Variants in DNAH9 observed in about 807,000 individuals in gnomAD.
The protein encoded by DNAH9 is dynein axonemal heavy chain 9.
In DNAH9, 345 loss-of-function variants were observed where a neutral mutation model predicts 471.6. The ratio of observed to expected loss-of-function variants is 0.73; its 90% CI spans 0.67 to 0.80. The LOEUF is 0.80. DNAH9 is among the 30% of genes least tolerant of loss of function. The pLI, the probability that DNAH9 is intolerant of heterozygous loss-of-function variation, is 0.00. For missense variants in DNAH9, 5,407 were observed against 5,609.2 expected (o/e 0.96, Z 1.15); for synonymous variants, 2,093 against 2,123.6 (o/e 0.99, Z 0.40).
At chr17:11,943,164 G>A (rs1422761432) in intron 67 of DNAH9, among the ~76,000 whole-genome samples, 1 of 151,766 alleles carries the variant, frequency 6.6e-6, no homozygotes, top group African/African-American at 2.4e-5. Flanking sequence ...AAAGTGCTGG[G>A]ATTATAGGTG....
In DNAH9 at chr17:11,889,571, C is replaced by T. The variant is rs79515498; in HGVS notation, c.11113-2206C>T. On this transcript the variant is annotated intron_variant, in intron 57 of 68. Transcript: ENST00000262442. Reference sequence around the variant, plus strand: ...GTATTAAACACCTGGCCCCTGAAGGCATTGAGTTTGATACCCTTGGTCTAG... The same window carrying T: ...GTATTAAACACCTGGCCCCTGAAGGTATTGAGTTTGATACCCTTGGTCTAG... Among the ~76,000 whole-genome samples, 802 of 152,340 alleles carry T rather than the reference C, an allele frequency of 5.3e-3. 11 individuals carry two copies. The highest frequency in any genetic ancestry group is 0.018 in the African/African-American group (763 of 41,574).
chr17:11,674,746 A>G (rs1168922357), intron 17 of DNAH9, among the ~76,000 whole-genome samples: 1 of 111,170 alleles, frequency 9.0e-6, no homozygotes, highest in Non-Finnish European at 2.2e-5. Flanking sequence ...GTCTTGTTAA[A>G]TAAATCCATT....
intron 41 of DNAH9, among the ~76,000 whole-genome samples, chr17:11,791,253 G>A (rs949013864): frequency 1.3e-5 from 2 of 152,010 alleles, no homozygotes; most frequent in Non-Finnish European, 1.5e-5. Flanking sequence ...CACTTTGAAG[G>A]CTTCTTTTAT....
rs5819329 is a variant in DNAH9, at chr17:11,624,508, C to CAA, written c.1350+4736_1350+4737dup. ...TGGGTGACAGAGCAAGACTCCATCT[C>CAA]AAAAAAAAAAGAAAAGAAAAGAACT... On this transcript the variant is annotated intron_variant, in intron 6 of 68. Coordinates refer to ENST00000262442, the MANE Select transcript of DNAH9 (RefSeq NM_001372.4). 3.0e-3 allele frequency among the ~76,000 whole-genome samples: 448 copies of CAA among 147,466 alleles called. 1 individual carries two copies. Among genetic ancestry groups the CAA allele is most frequent in the African/African-American group, 3.4e-3 (135 of 39,926 alleles).
rs754680221 is a variant in DNAH9 at position 11,608,312 on chromosome 17, A to G, written c.601A>G (p.Lys201Glu). 10 of 1,608,284 alleles carry G rather than the reference A, an allele frequency of 6.2e-6. No homozygotes were observed. Among genetic ancestry groups the G allele is most frequent in the Admixed American group, 1.7e-5 (1 of 59,950 alleles). Residue 201 changes from lysine (K) to glutamate (E), a missense_variant, in exon 2 of 69, where the codon AAA becomes GAA. Lys to Glu is a moderately conservative substitution (Grantham distance 56). Coordinates refer to ENST00000262442, the MANE Select transcript of DNAH9 (RefSeq NM_001372.4). ...AGAAAAAATGGAGTTTGCGGATTCC[A>G]AAAGTGAGACAGTGTAAGTACCGCC... ...GSEKMEFADSKSETVLDSIDK... is the reference protein window; with the variant it reads ...GSEKMEFADSESETVLDSIDK...
chr17:11,640,723 A>G (rs936513416), intron 10 of DNAH9, among the ~76,000 whole-genome samples: 1 of 152,142 alleles, frequency 6.6e-6, no homozygotes, highest in African/African-American at 2.4e-5. Flanking sequence ...TGCTGAGGCC[A>G]CTGGAAAGTA....
rs763982611 is a variant in DNAH9 at position 11,689,917 on chromosome 17, C to T, written c.4095C>T (p.Asn1365=). The change falls in exon 20 of 69, where the codon AAC becomes AAT. Residue 1365 remains asparagine (N), a synonymous_variant. Transcript: ENST00000262442. ...AFTGLESTVW[N]TLSSLRAVAE... ...CAGGCCTGGAAAGCACTGTGTGGAA[C>T]ACGCTGAGCTCCCTGAGGGCAGTAG... 1.2e-5 allele frequency: 20 copies of T among 1,609,222 alleles called. No individual in the cohort carries two copies. The highest frequency in any genetic ancestry group is 1.5e-5 in the Non-Finnish European group (18 of 1,177,592).
At chr17:11,712,002 TTG>T (rs1451538910) in intron 26 of DNAH9, among the ~76,000 whole-genome samples, 1 of 2,806 alleles carries the variant, frequency 3.6e-4, no homozygotes, top group Non-Finnish European at 3.2e-3. Flanking sequence ...ATATATATAT[TTG>T]TATATATATT....
chr17:11,753,668 A>G (rs1166572925), intron 33 of DNAH9, among the ~76,000 whole-genome samples: 1 of 152,236 alleles, frequency 6.6e-6, no homozygotes, highest in Non-Finnish European at 1.5e-5. Context: ...CTCCATCTCC[A>G]AAAACTAGCT....
At chr17:11,828,043 C>T (rs1055288400) in intron 48 of DNAH9, among the ~76,000 whole-genome samples, 1 of 152,190 alleles carries the variant, frequency 6.6e-6, no homozygotes, top group Non-Finnish European at 1.5e-5. Flanking sequence ...CATCTCACTC[C>T]TTTCAAAGCG....
chr17:11,598,998 GA>G (rs1470474853), intron 1 of DNAH9, 83 bp downstream of exon 1: 1 of 1,065,060 alleles, frequency 9.4e-7, no homozygotes, highest in Non-Finnish European at 1.3e-6. Context: ...GGCGGGGCCA[GA>G]GGGGGCGGGG....
chr17:11,752,589 C>T (rs1019199830), intron 32 of DNAH9, among the ~76,000 whole-genome samples: 1 of 152,098 alleles, frequency 6.6e-6, no homozygotes, highest in African/African-American at 2.4e-5. Flanking sequence ...ATCGCTTGAA[C>T]CCAGGAGGCA....
At chr17:11,855,245 T>G (rs1194063961) in intron 50 of DNAH9, among the ~76,000 whole-genome samples, 1 of 152,146 alleles carries the variant, frequency 6.6e-6, no homozygotes, top group African/African-American at 2.4e-5. Flanking sequence ...AAACTGGCAA[T>G]GAACTCCAAA....
At chr17:11,643,314 T>C (rs967746422) in intron 10 of DNAH9, among the ~76,000 whole-genome samples, 1 of 152,178 alleles carries the variant, frequency 6.6e-6, no homozygotes, top group Non-Finnish European at 1.5e-5. Flanking sequence ...GTGTATTACA[T>C]GTGCACATGT....
At chr17:11,845,968 T>C (rs1660895061) in intron 49 of DNAH9, among the ~76,000 whole-genome samples, 1 of 151,732 alleles carries the variant, frequency 6.6e-6, no homozygotes, top group African/African-American at 2.4e-5. Context: ...TTCACTCTGA[T>C]GGTAGTTTCT....
chr17:11,669,355 G>T lies in DNAH9; in HGVS notation c.2929-15G>T, dbSNP rs1030718077. ...ACACTGGTGTAACCTGCCTGCCGTT[G>T]TCTCGCTTCCCCAGGTCGACCTGGA... On this transcript the variant is annotated splice_polypyrimidine_tract_variant and intron_variant, in intron 16 of 68. Coordinates refer to ENST00000262442, the MANE Select transcript of DNAH9 (RefSeq NM_001372.4). 2.5e-6 allele frequency: 4 copies of T among 1,604,610 alleles called. No individual in the cohort carries two copies. The highest frequency in any genetic ancestry group is 1.1e-5 in the South Asian group (1 of 89,506).
chr17:11,895,814 C>T (rs973501753), intron 59 of DNAH9, among the ~76,000 whole-genome samples: 8 of 152,210 alleles, frequency 5.3e-5, no homozygotes, highest in Admixed American at 3.9e-4. Context: ...TTGGTGTGCT[C>T]ATTTAGCATG....
intron 3 of DNAH9, among the ~76,000 whole-genome samples, chr17:11,611,235 C>T (rs2150641468): frequency 6.6e-6 from 1 of 152,328 alleles, no homozygotes; most frequent in South Asian, 2.1e-4. Flanking sequence ...TGTAGGGCTC[C>T]AGCCTTTTGT....
Position 11,798,861 on chromosome 17 carries a change from C to T in DNAH9, c.8420+1068C>T, listed in dbSNP as rs529969492. Reference sequence around the variant, plus strand: ...AGAGAGGAGTAAGTAACCTCCTTACCCCCAGTCCCCCACCCCAATGGCACA... The same window carrying T: ...AGAGAGGAGTAAGTAACCTCCTTACTCCCAGTCCCCCACCCCAATGGCACA... On this transcript the variant is annotated intron_variant, in intron 43 of 68. Coordinates refer to ENST00000262442, the MANE Select transcript of DNAH9 (RefSeq NM_001372.4). Among the ~76,000 whole-genome samples the T allele has an allele frequency of 2.6e-5, 4 of 152,176 alleles. No individual in the cohort carries two copies. The East Asian group carries it at 5.8e-4, about 22-fold the overall frequency.
Sources: gnomAD v4.1 joint callset for allele counts (sites outside exome capture counted in the v4.1 genomes callset) on GRCh38, gnomAD v4.1.1 for gene constraint, MANE v1.5 for transcripts, NCBI Gene and HGNC (gene_info 2026-07-23, HGNC 2026-07-21) for gene names.